Variants in SEMA4B observed in about 807,000 individuals in gnomAD.
SEMA4B encodes semaphorin 4B.
A neutral mutation model predicts 88.1 loss-of-function variants in SEMA4B; 55 were observed. The observed-to-expected ratio is 0.62, with a 90% CI of 0.50 to 0.78. The LOEUF (loss-of-function observed/expected upper bound fraction) is 0.78, where lower values mean the gene tolerates loss of function less well. Ranked by LOEUF, SEMA4B falls within the 30% of genes least tolerant of loss-of-function variation. The probability of loss-of-function intolerance (pLI) is 0.00; values close to 1 mark genes in which losing one functional copy is unlikely to be tolerated. For synonymous variants in SEMA4B, 525 were observed against 473.6 expected, an observed-to-expected ratio of 1.11 and a Z score of -1.41; for missense variants, 1,062 against 1,111.9, an observed-to-expected ratio of 0.96 and a Z score of 0.64.
Position 90,195,938 on chromosome 15 carries a change from C to CTTTTTTTTTTTTT in SEMA4B, c.-121-5520_-121-5519insTTTTTTTTTTTTT, listed in dbSNP as rs10530160. Among the ~76,000 whole-genome samples the CTTTTTTTTTTTTT allele has an allele frequency of 1.1e-4, 14 of 128,462 alleles. 2 individuals are homozygous for CTTTTTTTTTTTTT. Among genetic ancestry groups the CTTTTTTTTTTTTT allele is most frequent in the East Asian group, 2.2e-4 (1 of 4,476 alleles). 84.3% of individuals were successfully genotyped at this position (128,462 alleles called of 152,430 possible). Reference sequence around the variant, plus strand: ...TTTGTACTTCTCTTTTTTTTTTTTTCGAGACGGAGTCTCGCTCTGTCACCA... The same window carrying CTTTTTTTTTTTTT: ...TTTGTACTTCTCTTTTTTTTTTTTTCTTTTTTTTTTTTTGAGACGGAGTCTCGCTCTGTCACCA... On this transcript the variant is annotated intron_variant, in intron 1 of 14. Coordinates refer to the SEMA4B transcript ENST00000332496.
rs768328093 is a variant in SEMA4B, at chr15:90,201,545, C to T, written c.-34C>T. 280 of 1,424,070 alleles carry T rather than the reference C, an allele frequency of 2.0e-4. 1 individual carries two copies. In the Middle Eastern group the frequency reaches 2.7e-3, roughly 14 times the overall value. 88.2% of individuals were successfully genotyped at this position (1,424,070 alleles called of 1,614,324 possible). On this transcript the variant is annotated 5_prime_UTR_variant, in exon 1 of 14. Transcript: ENST00000411539. ...TGAGTCCGGCCGAGCCACCTGAGCC[C>T]GAGCCGCGGGACACCGTCGCTCCTG... is the stretch of plus-strand genomic sequence containing the variant.
chr15:90,218,632 G>A (rs112189943), intron 3 of SEMA4B, among the ~76,000 whole-genome samples: 2,060 of 152,238 alleles, frequency 0.014, 19 homozygotes, highest in Non-Finnish European at 0.021. Context: ...GGCCAACATA[G>A]TGAAACTCCG....
Position 90,217,431 on chromosome 15 carries a change from C to T in SEMA4B, c.158-8C>T, listed in dbSNP as rs1443795827. On this transcript the variant is annotated splice_polypyrimidine_tract_variant and splice_region_variant and intron_variant, in intron 1 of 13. Coordinates refer to ENST00000411539, the MANE Select transcript of SEMA4B (RefSeq NM_198925.4). ...GGCCCCAGGTAATACCCATCTTCCT[C>T]TCCCCAGGCTCTGAAGAGCGGCCAT... 1 of 1,610,830 alleles carries T rather than the reference C, an allele frequency of 6.2e-7. No homozygotes were observed. Among genetic ancestry groups the T allele is most frequent in the East Asian group, 2.2e-5 (1 of 44,850 alleles).
In SEMA4B at chr15:90,225,171, G is replaced by C. The variant is rs377037567; in HGVS notation, c.1398G>C (p.Leu466=). The C allele has an allele frequency of 1.2e-6, 2 of 1,600,124 alleles. No individual in the cohort carries two copies. Among genetic ancestry groups the C allele is most frequent in the African/African-American group, 2.7e-5 (2 of 74,582 alleles). Residue 466 remains leucine, a synonymous_variant, in exon 10 of 14, where the codon CTG becomes CTC. Coordinates refer to ENST00000411539, the MANE Select transcript of SEMA4B (RefSeq NM_198925.4). ...ACCACACCTACGATGTCCTCTTCCT[G>C]GGCACTGGTAAGTGTCTGCAGCCCA... is the stretch of plus-strand genomic sequence containing the variant. The part of the protein sequence containing the change: ...GLHHTYDVLF[L]GTGDGRLHKA...
intron 12 of SEMA4B, chr15:90,227,339 GC>G: frequency 1.9e-6 from 1 of 539,348 alleles, no homozygotes. Flanking sequence ...GGGCCACCAT[GC>G]CTGGCCACTG....
At chr15:90,220,604 C>T (rs1247491857) in intron 4 of SEMA4B, among the ~76,000 whole-genome samples, 2 of 151,794 alleles carry the variant, frequency 1.3e-5, no homozygotes, top group Admixed American at 6.6e-5. Flanking sequence ...CTCCTGACCT[C>T]GTGATCCACC....
At chr15:90,220,878 C>T in intron 4 of SEMA4B, 104 bp from the exon 5 acceptor site, 2 of 726,146 alleles carry the variant, frequency 2.8e-6, no homozygotes, top group South Asian at 1.6e-5. Flanking sequence ...ACACACCTCA[C>T]CTGCCTGCAG....
intron 1 of SEMA4B, among the ~76,000 whole-genome samples, chr15:90,209,304 A>G (rs1961141017): frequency 6.6e-6 from 1 of 152,086 alleles, no homozygotes; most frequent in Non-Finnish European, 1.5e-5. Flanking sequence ...TAATCCCAAC[A>G]CTTTGGGAGG....
At chr15:90,194,896 T>G (rs371274526) in intron 1 of SEMA4B, among the ~76,000 whole-genome samples, 11 of 152,184 alleles carry the variant, frequency 7.2e-5, no homozygotes, top group Non-Finnish European at 1.3e-4. Flanking sequence ...CATCGTGACA[T>G]TTCAACTGTA....
intron 1 of SEMA4B, among the ~76,000 whole-genome samples, chr15:90,204,049 C>T (rs1960874518): frequency 6.6e-6 from 1 of 152,172 alleles, no homozygotes; most frequent in South Asian, 2.1e-4. Context: ...GGGGAATGCC[C>T]TGGTAACTGA....
At chr15:90,197,517 A>G (rs1289167874), upstream of SEMA4B, among the ~76,000 whole-genome samples, 1 of 151,426 alleles carries the variant, frequency 6.6e-6, no homozygotes, top group South Asian at 2.1e-4. Flanking sequence ...GGCTCACTGC[A>G]AGCTCCGCCT....
chr15:90,224,112 C>A, intron 9 of SEMA4B, 124 bp downstream of exon 9: 4 of 874,920 alleles, frequency 4.6e-6, no homozygotes, highest in Non-Finnish European at 5.1e-6. Flanking sequence ...CTTTTCTCAT[C>A]TTTAATATGG....
chr15:90,226,175 C>G (rs1448149460), intron 12 of SEMA4B, among the ~76,000 whole-genome samples: 1 of 152,022 alleles, frequency 6.6e-6, no homozygotes, highest in Admixed American at 6.6e-5. Flanking sequence ...TTCAGAATAA[C>G]CTATTTGGAT....
intron 3 of SEMA4B, among the ~76,000 whole-genome samples, chr15:90,218,138 T>C (rs1337780985): frequency 2.0e-5 from 3 of 152,152 alleles, no homozygotes; most frequent in Non-Finnish European, 4.4e-5. Context: ...GGCTCATAGA[T>C]ACAAGACCTA....
chr15:90,218,019 A>C (rs1231637218), intron 3 of SEMA4B, 190 bp downstream of exon 3: 1 of 561,262 alleles, frequency 1.8e-6, no homozygotes, highest in Non-Finnish European at 3.2e-6. Context: ...TTCGACAAGT[A>C]GATTCACCTG....
At chr15:90,215,867 G>A (rs919335555) in intron 1 of SEMA4B, among the ~76,000 whole-genome samples, 1 of 152,112 alleles carries the variant, frequency 6.6e-6, no homozygotes, top group Admixed American at 6.5e-5. Flanking sequence ...ATATTTTTAA[G>A]TATAGAAGGG....
rs2151607634 is a variant in SEMA4B, at chr15:90,212,489, C to T, written c.158-4950C>T. 6.6e-6 allele frequency among the ~76,000 whole-genome samples: 1 copy of T among 152,280 alleles called. No individual in the cohort carries two copies. Among genetic ancestry groups the T allele is most frequent in the Non-Finnish European group, 1.5e-5 (1 of 68,006 alleles). Reference sequence around the variant, plus strand: ...AGGCAGCCCAGGAGAGCGAGCGAGACACTCTTTGACACAAGGGAGAGCATA... The same window carrying T: ...AGGCAGCCCAGGAGAGCGAGCGAGATACTCTTTGACACAAGGGAGAGCATA... On this transcript the variant is annotated intron_variant, in intron 1 of 13. Coordinates refer to ENST00000411539, the MANE Select transcript of SEMA4B (RefSeq NM_198925.4). The surrounding 1 kb of genome is among the most constrained non-coding windows in gnomAD (Gnocchi z 4.0).
chr15:90,227,744 GC>G, intron 13 of SEMA4B, 102 bp downstream of exon 13: 1 of 1,464,364 alleles, frequency 6.8e-7, no homozygotes, highest in Middle Eastern at 1.7e-4. Flanking sequence ...TCACTTCCTT[GC>G]CCCCTACCCC....
At chr15:90,188,485 A>G (rs913334199) in intron 1 of SEMA4B, among the ~76,000 whole-genome samples, 4 of 150,308 alleles carry the variant, frequency 2.7e-5, no homozygotes, top group East Asian at 4.0e-4. Flanking sequence ...AAAATTAGCC[A>G]GGCATGGTGG....
Sources: gnomAD v4.1 joint callset for allele counts (sites outside exome capture counted in the v4.1 genomes callset) on GRCh38, gnomAD v4.1.1 for gene constraint, Gnocchi (gnomAD v3.1) non-coding constraint, MANE v1.5 for transcripts, NCBI Gene and HGNC (gene_info 2026-07-23, HGNC 2026-07-21) for gene names.